SMARCA2: variants seen among roughly 807,000 people sequenced by gnomAD.
The protein encoded by SMARCA2 is SWI/SNF related BAF chromatin remodeling complex subunit ATPase 2.
A neutral mutation model predicts 199.8 loss-of-function variants in SMARCA2; 61 were observed. That is an observed-to-expected ratio of 0.31 (90% CI 0.25 to 0.38). The LOEUF (loss-of-function observed/expected upper bound fraction) is 0.38. SMARCA2 is among the 10% of genes least tolerant of loss of function. SMARCA2 has a pLI of 1.00. For missense variants in SMARCA2, 1,344 were observed against 2,012.2 expected (o/e 0.67, Z 6.35); for synonymous variants, 935 against 732.0 (o/e 1.28, Z -4.48).
In SMARCA2 at chr9:2,104,141, T is replaced by G; in HGVS notation, c.3264T>G (p.Phe1088Leu). The G allele has an allele frequency of 6.2e-7, 1 of 1,614,100 alleles. No homozygotes were observed. Among genetic ancestry groups the G allele is most frequent in the Non-Finnish European group, 8.5e-7 (1 of 1,179,992 alleles). Residue 1088 changes from phenylalanine to leucine, a missense_variant, in exon 23 of 34, where the codon TTT becomes TTG. By Grantham distance (22) the Phe-to-Leu change is conservative. Around this residue, in one of 18 missense-constraint regions of SMARCA2, gnomAD observed 98 missense variants for 245.6 expected, o/e 0.40. Transcript: ENST00000349721. This position sits in a 1 kb window ranked among gnomAD's most constrained non-coding sequence, Gnocchi z 4.0. The part of the protein sequence containing the change: ...LMTIMEDYFA[F>L]RNFLYLRLDG... Reference sequence around the variant, plus strand: ...CCATCATGGAGGATTATTTTGCTTTTCGGAACTTCCTTTACCTACGCCTTG... The same window carrying G: ...CCATCATGGAGGATTATTTTGCTTTGCGGAACTTCCTTTACCTACGCCTTG...
chr9:2,172,334 C>G (rs1826295274), intron 29 of SMARCA2, among the ~76,000 whole-genome samples: 1 of 151,632 alleles, frequency 6.6e-6, no homozygotes, highest in African/African-American at 2.4e-5. Context: ...GACACATATA[C>G]ACAGGGTGGG....
intron 5 of SMARCA2, chr9:2,048,046 C>CA (rs1819952849): frequency 6.6e-6 from 1 of 152,094 alleles, no homozygotes; most frequent in Non-Finnish European, 1.5e-5. Flanking sequence ...GCCAGATAGT[C>CA]AATGTTTTAT....
chr9:2,111,554 T>G (rs1300227993), intron 24 of SMARCA2, among the ~76,000 whole-genome samples: 2 of 150,242 alleles, frequency 1.3e-5, no homozygotes, highest in Non-Finnish European at 3.0e-5. Flanking sequence ...GGAGTATGAA[T>G]TCTACATCAG....
rs1157897821 is a variant in SMARCA2, at chr9:2,168,889, A to G, written c.4200-1530A>G. Among the ~76,000 whole-genome samples, 7 of 152,140 alleles carry G rather than the reference A, an allele frequency of 4.6e-5. No individual in the cohort carries two copies. In the East Asian group the frequency reaches 9.6e-4, roughly 21 times the overall value. On this transcript the variant is annotated intron_variant, in intron 28 of 33. Transcript: ENST00000349721. ...GAGTTGTAATCTGCGTCAGTCTTAG[A>G]TGACAGAGCCATACCTAGCTTCTCT...
chr9:2,042,692 A>G (rs1423729083), intron 4 of SMARCA2: 1 of 149,866 alleles, frequency 6.7e-6, no homozygotes, highest in Non-Finnish European at 1.5e-5. Context: ...TCCGGTACCT[A>G]CATCTTTCGT....
chr9:2,030,312 G>A (rs1005472127), intron 2 of SMARCA2, among the ~76,000 whole-genome samples: 1 of 152,048 alleles, frequency 6.6e-6, no homozygotes, highest in Non-Finnish European at 1.5e-5. Context: ...GTATAGTTCC[G>A]GTCTGAGTCT....
intron 23 of SMARCA2, among the ~76,000 whole-genome samples, chr9:2,107,914 GAACAGC>G (rs1822832447): frequency 6.6e-6 from 1 of 152,074 alleles, no homozygotes; most frequent in Non-Finnish European, 1.5e-5. Context: ...AAAGATGGAA[GAACAGC>G]CCTCAACTCT....
At chr9:2,178,711 T>C (rs1826798307) in intron 29 of SMARCA2, among the ~76,000 whole-genome samples, 2 of 149,060 alleles carry the variant, frequency 1.3e-5, no homozygotes, top group African/African-American at 5.2e-5. Context: ...CTTCCTTTTT[T>C]GTTTGTTTGT....
At chr9:2,126,072 G>A (rs1823680255) in intron 27 of SMARCA2, among the ~76,000 whole-genome samples, 1 of 152,202 alleles carries the variant, frequency 6.6e-6, no homozygotes, top group Non-Finnish European at 1.5e-5. Context: ...ACAGCCTTAA[G>A]AGGAAAGGGA....
chr9:2,050,900 G>A (rs182979902), intron 5 of SMARCA2, among the ~76,000 whole-genome samples: 7 of 152,218 alleles, frequency 4.6e-5, no homozygotes, highest in Admixed American at 1.3e-4. Flanking sequence ...GTAACCCCTC[G>A]TGATTTACTG....
At chr9:2,116,128 TA>T in intron 25 of SMARCA2, 79 bp downstream of exon 25, 2 of 1,067,808 alleles carry the variant, frequency 1.9e-6, no homozygotes, top group South Asian at 2.7e-5. Flanking sequence ...TCCCTTTGTT[TA>T]AAAAACTTCC....
In SMARCA2 at chr9:2,016,203, G is replaced by A. The variant is rs1818347318; in HGVS notation, c.-37+799G>A. On this transcript the variant is annotated intron_variant, in intron 1 of 33. Coordinates refer to ENST00000349721, the MANE Select transcript of SMARCA2 (RefSeq NM_003070.5). This position sits in a 1 kb window ranked among gnomAD's most constrained non-coding sequence, Gnocchi z 5.6. The stretch of plus-strand genomic sequence containing the variant: ...CCGCGTTTCCTCCGGCGTGGATGGG[G>A]AGGCTGATTGGTAGGCAGGCCTTTA... The A allele has an allele frequency of 2.0e-5, 3 of 152,516 alleles. No homozygotes were observed. In the South Asian group the frequency reaches 6.2e-4, roughly 32 times the overall value. The allele number at this position is 152,516 out of a possible 1,614,324, so 9.4% of individuals were successfully genotyped here.
intron 9 of SMARCA2, among the ~76,000 whole-genome samples, chr9:2,065,228 C>T (rs1158355380): frequency 6.6e-6 from 1 of 152,158 alleles, no homozygotes; most frequent in Non-Finnish European, 1.5e-5. Flanking sequence ...TTTCCAGAGC[C>T]GTTGACATCA....
Position 2,039,383 on chromosome 9 carries a change from G to A in SMARCA2, c.356-83G>A. On this transcript the variant is annotated intron_variant, in intron 3 of 33. Coordinates refer to ENST00000349721, the MANE Select transcript of SMARCA2 (RefSeq NM_003070.5). This position sits in a 1 kb window ranked among gnomAD's most constrained non-coding sequence, Gnocchi z 4.8. ...ATTTCTGTCAGACAGTGTTGCTGTGGACAATTATTAGAGTATTCAGGGATA... is the reference window on the plus strand; with the variant it reads ...ATTTCTGTCAGACAGTGTTGCTGTGAACAATTATTAGAGTATTCAGGGATA... The A allele has an allele frequency of 7.5e-7, 1 of 1,330,370 alleles. No individual in the cohort carries two copies. The highest frequency in any genetic ancestry group is 1.0e-6 in the Non-Finnish European group (1 of 962,928). 82.4% of individuals were successfully genotyped at this position (1,330,370 alleles called of 1,614,324 possible). A position where few individuals can be genotyped will look rare whatever the true frequency, so the allele number is the denominator to read the frequency against.
intron 29 of SMARCA2, among the ~76,000 whole-genome samples, chr9:2,174,541 A>G (rs1242457074): frequency 6.6e-6 from 1 of 152,156 alleles, no homozygotes; most frequent in Non-Finnish European, 1.5e-5. Context: ...ATGGAGAGGC[A>G]TTTGATTTTG....
rs562286826 is a variant in SMARCA2 at position 2,114,638 on chromosome 9, A to T, written c.3457-1184A>T. Among the ~76,000 whole-genome samples the T allele has an allele frequency of 2.6e-5, 4 of 152,232 alleles. No individual in the cohort carries two copies. The South Asian group carries it at 8.3e-4, about 32-fold the overall frequency. ...AATGAATAAAAGCCACATGCCAAGA[A>T]GTTTTTATTACGTAGCTATAAAATT... On this transcript the variant is annotated intron_variant, in intron 24 of 33. Coordinates refer to ENST00000349721, the MANE Select transcript of SMARCA2 (RefSeq NM_003070.5).
At position 2,047,351 on chromosome 9, in the gene SMARCA2, C is replaced by T. The variant is rs1463598361; in HGVS notation, c.913C>T (p.Pro305Ser). The change falls in exon 5 of 34, where the codon CCC becomes TCC. Residue 305 changes from proline to serine, a missense_variant. By Grantham distance (74) the Pro-to-Ser change is moderately conservative. Around this residue, in one of 18 missense-constraint regions of SMARCA2, gnomAD observed 117 missense variants for 99.1 expected, o/e 1.18. Coordinates refer to ENST00000349721, the MANE Select transcript of SMARCA2 (RefSeq NM_003070.5). ...AQPPAAAVPG[P>S]SVPQPAPGQP... ...GCCGCCCGCGGCCGCAGTGCCCGGG[C>T]CCTCAGTGCCGCAGCCGGCCCCGGG... 3 of 1,451,544 alleles carry T rather than the reference C, an allele frequency of 2.1e-6. No homozygotes were observed. The highest frequency in any genetic ancestry group is 2.6e-5 in the South Asian group (2 of 77,406). 89.9% of individuals were successfully genotyped at this position (1,451,544 alleles called of 1,614,324 possible).
In SMARCA2 at chr9:2,039,962, C is replaced by T. The variant is rs1421355590; in HGVS notation, c.790+62C>T. ...TCCAACTCGGATAACAAAGACTGCTCACCAAAACACCGGGTTGTTAAAAGC... is the reference window on the plus strand; with the variant it reads ...TCCAACTCGGATAACAAAGACTGCTTACCAAAACACCGGGTTGTTAAAAGC... On this transcript the variant is annotated intron_variant, in intron 4 of 33. Coordinates refer to ENST00000349721, the MANE Select transcript of SMARCA2 (RefSeq NM_003070.5). The surrounding 1 kb of genome is among the most constrained non-coding windows in gnomAD (Gnocchi z 4.8). 11 of 1,587,530 alleles carry T rather than the reference C, an allele frequency of 6.9e-6. No homozygotes were observed. In the East Asian group the frequency reaches 1.8e-4, roughly 26 times the overall value.
chr9:2,179,745 G>C (rs1826880378), intron 29 of SMARCA2, among the ~76,000 whole-genome samples: 3 of 152,154 alleles, frequency 2.0e-5, no homozygotes, highest in Admixed American at 2.0e-4. Flanking sequence ...ATAGAAACAT[G>C]ACACCATCTG....
Sources: gnomAD v4.1 joint callset for allele counts (sites outside exome capture counted in the v4.1 genomes callset) on GRCh38, gnomAD v4.1.1 for gene constraint, gnomAD v4.1.1 regional missense constraint, Gnocchi (gnomAD v3.1) non-coding constraint, MANE v1.5 for transcripts, NCBI Gene and HGNC (gene_info 2026-07-23, HGNC 2026-07-21) for gene names.